The following PALS2 variants were observed in gnomAD, a reference collection of about 807,000 sequenced individuals.
PALS2 encodes the protein protein PALS2.
PALS2 carries 27 observed loss-of-function variants against 61.6 expected under a neutral mutation model. The observed-to-expected ratio is 0.44, with a 90% CI of 0.32 to 0.60. PALS2 has a LOEUF of 0.60. PALS2 is among the 20% of genes least tolerant of loss of function. The probability of loss-of-function intolerance (pLI) is 0.05; values close to 1 mark genes in which losing one functional copy is unlikely to be tolerated. For missense variants in PALS2, 554 were observed against 639.4 expected (o/e 0.87, Z 1.44); for synonymous variants, 236 against 218.6 (o/e 1.08, Z -0.70).
intron 3 of PALS2, among the ~76,000 whole-genome samples, chr7:24,645,646 C>T (rs1333784236): frequency 4.6e-5 from 7 of 151,938 alleles, no homozygotes; most frequent in Non-Finnish European, 8.8e-5. Flanking sequence ...TTTTCTAGTT[C>T]TGTGAAGAAT....
intron 11 of PALS2, among the ~76,000 whole-genome samples, chr7:24,681,478 G>C (rs563658794): frequency 6.7e-6 from 1 of 150,102 alleles, no homozygotes; most frequent in African/African-American, 2.5e-5. Context: ...TTAATAAGCA[G>C]TATCTTACTA....
rs139071391 is a variant in PALS2, at chr7:24,665,483, A to G, written c.784-105A>G. 2.4e-4 allele frequency: 226 copies of G among 946,720 alleles called. No homozygotes were observed. The African/African-American group carries it at 3.3e-3, about 14-fold the overall frequency. 58.6% of individuals were successfully genotyped at this position (946,720 alleles called of 1,614,324 possible). On this transcript the variant is annotated intron_variant, in intron 6 of 11. Transcript: ENST00000222644. ...GGATTTAAATCTCAAGGTTGTTTTT[A>G]AGAGCAAATGTGACTTTTTTGACTG... is the stretch of plus-strand genomic sequence containing the variant.
intron 1 of PALS2, among the ~76,000 whole-genome samples, chr7:24,595,679 A>G (rs189708128): frequency 6.7e-5 from 10 of 149,648 alleles, no homozygotes; most frequent in African/African-American, 2.5e-4. Context: ...GTGAGGGGAA[A>G]CATAAGCAAA....
intron 2 of PALS2, among the ~76,000 whole-genome samples, chr7:24,629,546 A>G (rs1469840136): frequency 6.6e-6 from 1 of 152,220 alleles, no homozygotes; most frequent in Non-Finnish European, 1.5e-5. Context: ...GTGAACAGGC[A>G]GCCTACAGAA....
At chr7:24,595,416 TAAATATATAAA>T (rs959873063) in intron 1 of PALS2, among the ~76,000 whole-genome samples, 7 of 141,486 alleles carry the variant, frequency 4.9e-5, no homozygotes, top group East Asian at 2.0e-4. Flanking sequence ...AAAATATATA[TAAATATATAAA>T]AAATATATAA....
At chr7:24,584,996 G>A (rs574369419) in intron 1 of PALS2, among the ~76,000 whole-genome samples, 1 of 151,542 alleles carries the variant, frequency 6.6e-6, no homozygotes, top group South Asian at 2.1e-4. Flanking sequence ...TATTTCTGAG[G>A]GCTCTGTTCT....
At chr7:24,599,632 G>A (rs1783646521) in intron 1 of PALS2, among the ~76,000 whole-genome samples, 1 of 148,962 alleles carries the variant, frequency 6.7e-6, no homozygotes, top group African/African-American at 2.5e-5. Context: ...AGCCTCCCAA[G>A]TAGCTGGGAT....
At chr7:24,587,247 C>T (rs779733451) in intron 1 of PALS2, among the ~76,000 whole-genome samples, 2 of 151,664 alleles carry the variant, frequency 1.3e-5, no homozygotes, top group African/African-American at 4.8e-5. Flanking sequence ...ACTGGAATGA[C>T]GATGGATGAG....
chr7:24,667,247 T>G (rs751554115), intron 8 of PALS2, among the ~76,000 whole-genome samples: 3 of 152,194 alleles, frequency 2.0e-5, no homozygotes, highest in Non-Finnish European at 4.4e-5. Flanking sequence ...ATAGAAAATT[T>G]GTAATTTTCC....
At chr7:24,631,661 A>G (rs968148107) in intron 2 of PALS2, among the ~76,000 whole-genome samples, 13 of 152,190 alleles carry the variant, frequency 8.5e-5, no homozygotes, top group African/African-American at 2.9e-4. Flanking sequence ...GAGTCCATCA[A>G]TGTGGCAAAC....
intron 2 of PALS2, chr7:24,624,069 GA>G: frequency 7.5e-7 from 1 of 1,342,170 alleles, no homozygotes; most frequent in Non-Finnish European, 9.9e-7. Flanking sequence ...CAGGGCCTGT[GA>G]AAAAGATCCT....
At chr7:24,686,072 C>G (rs1788187458) in intron 11 of PALS2, among the ~76,000 whole-genome samples, 1 of 152,194 alleles carries the variant, frequency 6.6e-6, no homozygotes, top group Non-Finnish European at 1.5e-5. Flanking sequence ...CTCCCTACCC[C>G]TCAACTCTGT....
chr7:24,580,571 A>G (rs1782803471), intron 1 of PALS2, among the ~76,000 whole-genome samples: 1 of 152,098 alleles, frequency 6.6e-6, no homozygotes, highest in South Asian at 2.1e-4. Context: ...CTTTTCTACT[A>G]ATGAATATTC....
intron 9 of PALS2, 109 bp downstream of exon 9, chr7:24,668,769 CT>C: frequency 7.5e-7 from 1 of 1,334,476 alleles, no homozygotes; most frequent in Non-Finnish European, 1.0e-6. Flanking sequence ...AATAAGTTTT[CT>C]TTATGGCAGT....
rs561203365 is a variant in PALS2 at position 24,692,274 on chromosome 7, A to T, written c.*4660A>T. The T allele has an allele frequency of 1.3e-5, 2 of 152,306 alleles. No individual in the cohort carries two copies. The highest frequency in any genetic ancestry group is 2.1e-4 in the South Asian group (1 of 4,826). 9.4% of individuals were successfully genotyped at this position (152,306 alleles called of 1,614,324 possible). A position where few individuals can be genotyped will look rare whatever the true frequency, so the allele number is the denominator to read the frequency against. ...ACTTTTTAAAAAATATTCTCTAGTG[A>T]TAAAAGTAAAGACAGGGTACTGGCC... On this transcript the variant is annotated 3_prime_UTR_variant, in exon 12 of 12. Transcript: ENST00000222644.
At chr7:24,640,804 C>T (rs367729692) in intron 2 of PALS2, among the ~76,000 whole-genome samples, 5 of 151,952 alleles carry the variant, frequency 3.3e-5, no homozygotes, top group East Asian at 3.9e-4. Flanking sequence ...GTCAGGAGAT[C>T]AAGACCATCC....
chr7:24,679,174 A>G lies in PALS2; in HGVS notation c.1158A>G (p.Ala386=), dbSNP rs144358099. ...GGGAAGATGAAAAAGATGGCCAGGC[A>G]TATAAGTTTGTGTCACGATCTGAGA... is the stretch of plus-strand genomic sequence containing the variant. ...KPREDEKDGQ[A]YKFVSRSEME... is the part of the protein sequence containing the mutation. The change falls in exon 10 of 12, where the codon GCA becomes GCG. Residue 386 remains alanine, a synonymous_variant. Coordinates refer to ENST00000222644, the MANE Select transcript of PALS2 (RefSeq NM_001303037.2). 5 of 1,613,914 alleles carry G rather than the reference A, an allele frequency of 3.1e-6. No homozygotes were observed. The highest frequency in any genetic ancestry group is 2.2e-5 in the East Asian group (1 of 44,890).
chr7:24,583,211 A>C (rs1236201211), intron 1 of PALS2, among the ~76,000 whole-genome samples: 1 of 152,038 alleles, frequency 6.6e-6, no homozygotes, highest in African/African-American at 2.4e-5. Context: ...TTTTTATACA[A>C]ATCAATTTAA....
chr7:24,678,441 A>G (rs1000384861), intron 9 of PALS2, among the ~76,000 whole-genome samples: 1 of 152,226 alleles, frequency 6.6e-6, no homozygotes, highest in African/African-American at 2.4e-5. Context: ...AGAACAGTTA[A>G]CATTTGGGAA....
Sources: allele counts gnomAD v4.1 joint callset (sites outside exome capture counted in the v4.1 genomes callset), GRCh38; gene constraint gnomAD v4.1.1; transcripts MANE v1.5; gene names NCBI Gene and HGNC (gene_info 2026-07-23, HGNC 2026-07-21).